The following TOMM20L variants were observed in gnomAD, a reference collection of about 807,000 sequenced individuals.
The protein encoded by TOMM20L is TOMM20-like protein 1.
In TOMM20L, 19 loss-of-function variants were observed where a neutral mutation model predicts 20.4. That is an observed-to-expected ratio of 0.93 (90% CI 0.65 to 1.36). The LOEUF (loss-of-function observed/expected upper bound fraction) is 1.36. Among genes scored for constraint, TOMM20L ranks in the 40% most tolerant of loss-of-function variants. The probability of loss-of-function intolerance (pLI) is 0.00; values close to 1 mark genes in which losing one functional copy is unlikely to be tolerated. For missense variants in TOMM20L, 218 were observed against 203.7 expected, an observed-to-expected ratio of 1.07 and a Z score of -0.43; for synonymous variants, 75 against 79.6, an observed-to-expected ratio of 0.94 and a Z score of 0.30.
chr14:58,405,050 C>G (rs1282419839), intron 3 of TOMM20L, among the ~76,000 whole-genome samples: 2 of 151,394 alleles, frequency 1.3e-5, no homozygotes, highest in African/African-American at 4.9e-5. Flanking sequence ...CCCATTGCAA[C>G]CTCTGCCTTC....
downstream of TOMM20L, chr14:58,412,263 T>C (rs556617350): frequency 7.8e-4 from 232 of 298,200 alleles, no homozygotes; most frequent in Non-Finnish European, 1.2e-3. Flanking sequence ...TGCCTCAGCC[T>C]CCTGAGTAGC....
At chr14:58,396,911 T>A (rs917818475) in intron 2 of TOMM20L, among the ~76,000 whole-genome samples, 6 of 152,164 alleles carry the variant, frequency 3.9e-5, no homozygotes, top group Non-Finnish European at 7.3e-5. Flanking sequence ...CTGGCCAACA[T>A]GGTGAAAGCC....
chr14:58,415,640 T>C, the TOMM20L span, among the ~76,000 whole-genome samples: 2 of 152,038 alleles, frequency 1.3e-5, no homozygotes, highest in African/African-American at 4.8e-5. Context: ...AGCCAGAAAA[T>C]AGAATTCTTC....
Position 58,407,407 on chromosome 14 carries a change from AAC to A in TOMM20L, c.349_350del (p.Thr117SerfsTer7), listed in dbSNP as rs761539537. On this transcript the variant is annotated frameshift_variant, in exon 4 of 5. Transcript: ENST00000360945. LOFTEE classifies it high-confidence loss of function. ...CCACGGGAACTTCTGAAAGTTTTCA[AAC>A]ACACTCTCCCTCCCAAGGTATTTGA... 235 of 1,613,838 alleles carry A rather than the reference AAC, an allele frequency of 1.5e-4. No individual in the cohort carries two copies. The highest frequency in any genetic ancestry group is 1.8e-4 in the Non-Finnish European group (211 of 1,179,978).
Position 58,396,066 on chromosome 14 carries a change from C to A in TOMM20L, c.109C>A (p.Pro37Thr). 1 of 1,408,976 alleles carries A rather than the reference C, an allele frequency of 7.1e-7. No homozygotes were observed. The highest frequency in any genetic ancestry group is 9.3e-7 in the Non-Finnish European group (1 of 1,077,148). 87.3% of individuals were successfully genotyped at this position (1,408,976 alleles called of 1,614,324 possible). Reference protein sequence around the residue: ...IYLNRKRRGDPAFKRRLRDKR... With the variant: ...IYLNRKRRGDTAFKRRLRDKR... ...CCTCAACCGGAAGCGGCGCGGGGAC[C>A]CCGCGTTCAAGCGCCGCCTGCGGGA... The change falls in exon 1 of 5, where the codon CCC (proline) becomes ACC (threonine). Residue 37 changes from proline to threonine, a missense_variant. Coordinates refer to ENST00000360945, the MANE Select transcript of TOMM20L (RefSeq NM_207377.3).
the TOMM20L span, among the ~76,000 whole-genome samples, chr14:58,415,085 T>C: frequency 6.6e-6 from 1 of 152,192 alleles, no homozygotes; most frequent in South Asian, 2.1e-4. Flanking sequence ...AGTGGAAGCC[T>C]GGTGAGGAGC....
the TOMM20L span, among the ~76,000 whole-genome samples, chr14:58,416,227 C>CAAAT: frequency 9.9e-5 from 15 of 151,070 alleles, no homozygotes; most frequent in Admixed American, 4.0e-4. Context: ...GACTCTGTAG[C>CAAAT]AAATAAATAA....
chr14:58,404,099 G>GTGTGTATGTATA (rs1408980666), intron 3 of TOMM20L, among the ~76,000 whole-genome samples: 1 of 22,928 alleles, frequency 4.4e-5, no homozygotes, highest in Non-Finnish European at 8.3e-5. Context: ...ACATATATAT[G>GTGTGTATGTATA]TATATATATA....
chr14:58,407,413 C>T lies in TOMM20L; in HGVS notation c.350C>T (p.Thr117Ile). The T allele has an allele frequency of 6.2e-7, 1 of 1,613,974 alleles. No individual in the cohort carries two copies. The highest frequency in any genetic ancestry group is 1.1e-5 in the South Asian group (1 of 91,062). ...GAACTTCTGAAAGTTTTCAAACACA[C>T]TCTCCCTCCCAAGGTATTTGAGATG... Reference protein sequence around the residue: ...PRELLKVFKHTLPPKVFEMLL... With the variant: ...PRELLKVFKHILPPKVFEMLL... The change falls in exon 4 of 5, where the codon ACT becomes ATT. Residue 117 changes from threonine to isoleucine, a missense_variant. Transcript: ENST00000360945.
chr14:58,407,273 G>A, intron 3 of TOMM20L, 53 bp from the exon 4 acceptor site: 2 of 1,516,862 alleles, frequency 1.3e-6, no homozygotes, highest in Non-Finnish European at 1.8e-6. Flanking sequence ...TTTGTAGAAT[G>A]TCTGTTTTAA....
downstream of TOMM20L, among the ~76,000 whole-genome samples, chr14:58,409,393 C>CA (rs1363265393): frequency 1.3e-5 from 2 of 152,056 alleles, no homozygotes; most frequent in Non-Finnish European, 2.9e-5. Context: ...TCACTAAGAG[C>CA]AATGATAAGT....
chr14:58,409,768 C>T (rs1378317357), downstream of TOMM20L, among the ~76,000 whole-genome samples: 3 of 151,342 alleles, frequency 2.0e-5, no homozygotes, highest in East Asian at 3.9e-4. Context: ...TTAGTAGAGA[C>T]GGGGTTTCAC....
At chr14:58,415,275 C>T in the TOMM20L span, among the ~76,000 whole-genome samples, 4 of 152,010 alleles carry the variant, frequency 2.6e-5, no homozygotes, top group Non-Finnish European at 5.9e-5. Context: ...ACATCTAGAG[C>T]CTCATAACAT....
chr14:58,411,814 G>C (rs2036228253), downstream of TOMM20L: 1 of 1,189,580 alleles, frequency 8.4e-7, no homozygotes, highest in Admixed American at 1.8e-5. Context: ...TGGGATTACA[G>C]ATGTGAGCCA....
chr14:58,406,409 C>A (rs1437676740), intron 3 of TOMM20L, among the ~76,000 whole-genome samples: 1 of 152,118 alleles, frequency 6.6e-6, no homozygotes, highest in Non-Finnish European at 1.5e-5. Flanking sequence ...CTTCCTATAA[C>A]CATGTATTTC....
At chr14:58,406,052 A>G (rs539724935) in intron 3 of TOMM20L, among the ~76,000 whole-genome samples, 134 of 152,232 alleles carry the variant, frequency 8.8e-4, no homozygotes, top group African/African-American at 3.1e-3. Context: ...CAGTCTTCTT[A>G]ACTTTCTCCA....
chr14:58,402,890 C>T (rs1209836177), intron 3 of TOMM20L, 129 bp downstream of exon 3: 2 of 678,394 alleles, frequency 2.9e-6, no homozygotes, highest in African/African-American at 3.6e-5. Context: ...GAAAAACTAT[C>T]CCAGCATGTT....
chr14:58,414,565 G>A, the TOMM20L span, among the ~76,000 whole-genome samples: 6 of 151,536 alleles, frequency 4.0e-5, no homozygotes, highest in Non-Finnish European at 5.9e-5. Flanking sequence ...TAGTGAAACC[G>A]CATCTCTACT....
intron 2 of TOMM20L, among the ~76,000 whole-genome samples, chr14:58,400,188 C>G (rs1054257917): frequency 5.3e-5 from 8 of 151,216 alleles, no homozygotes; most frequent in Non-Finnish European, 7.4e-5. Flanking sequence ...GTTGGATCAC[C>G]TGAGGTCAGG....
Sources: allele counts gnomAD v4.1 joint callset (sites outside exome capture counted in the v4.1 genomes callset), GRCh38; gene constraint gnomAD v4.1.1; transcripts MANE v1.5; gene names NCBI Gene and HGNC (gene_info 2026-07-23, HGNC 2026-07-21).